DGAT1: variants seen among roughly 807,000 people sequenced by gnomAD.
DGAT1 encodes ACAT related gene product 1.
DGAT1 carries 60 observed loss-of-function variants against 72.6 expected under a neutral mutation model. The ratio of observed to expected loss-of-function variants is 0.83; its 90% CI spans 0.67 to 1.02. The LOEUF (loss-of-function observed/expected upper bound fraction) is 1.02. Ranked by LOEUF, DGAT1 falls within the 50% of genes least tolerant of loss-of-function variation. DGAT1 has a pLI of 0.00. For synonymous variants in DGAT1, 290 were observed against 267.5 expected, an observed-to-expected ratio of 1.08 and a Z score of -0.82; for missense variants, 592 against 670.0, an observed-to-expected ratio of 0.88 and a Z score of 1.29.
intron 16 of DGAT1, 30 bp downstream of exon 16, chr8:144,316,823 G>A (rs369449233): frequency 6.4e-5 from 103 of 1,603,142 alleles, no homozygotes; most frequent in East Asian, 4.5e-5. Context: ...GTAACTGGGC[G>A]AGTGAGGAGG....
chr8:144,315,794 C>T lies in DGAT1; in HGVS notation c.*760G>A. The T allele has an allele frequency of 2.2e-5, 21 of 971,858 alleles. No homozygotes were observed. The highest frequency in any genetic ancestry group is 2.6e-5 in the Non-Finnish European group (21 of 817,594). 60.2% of individuals were successfully genotyped at this position (971,858 alleles called of 1,614,324 possible). A position where few individuals can be genotyped will look rare whatever the true frequency, so the allele number is the denominator to read the frequency against. On this transcript the variant is annotated 3_prime_UTR_variant, in exon 17 of 17. Coordinates refer to ENST00000528718, the MANE Select transcript of DGAT1 (RefSeq NM_012079.6). ...CCAGCCCACCTGGCTGCCCAGGTTC[C>T]AAGTGAAGGAAAGAGGCTGCCAAAC...
chr8:144,321,573 C>A (rs112769302), intron 1 of DGAT1, among the ~76,000 whole-genome samples, 165 bp from the exon 2 acceptor site: 4 of 152,332 alleles, frequency 2.6e-5, no homozygotes, highest in African/African-American at 9.6e-5. Flanking sequence ...GGCCTCAAGA[C>A]CTACAGTGGG....
At chr8:144,324,041 C>A (rs911401385) in intron 1 of DGAT1, among the ~76,000 whole-genome samples, 4 of 152,228 alleles carry the variant, frequency 2.6e-5, no homozygotes, top group Non-Finnish European at 5.9e-5. Context: ...AAGCCAGAAA[C>A]CGGATGGCCC....
Position 144,316,328 on chromosome 8 carries a change from G to A in DGAT1, c.*226C>T. 16 of 601,880 alleles carry A rather than the reference G, an allele frequency of 2.7e-5. 2 individuals carry two copies. In the South Asian group the frequency reaches 3.6e-4, roughly 14 times the overall value. The allele number at this position is 601,880 out of a possible 1,614,324, so 37.3% of individuals were successfully genotyped here. A position where few individuals can be genotyped will look rare whatever the true frequency, so the allele number is the denominator to read the frequency against. On this transcript the variant is annotated 3_prime_UTR_variant, in exon 17 of 17. Coordinates refer to ENST00000528718, the MANE Select transcript of DGAT1 (RefSeq NM_012079.6). ...ACTTTATTGACACCCTCGGACCCGG[G>A]GCAGGGTCAGCAAGACTCCCAGCTG...
At position 144,326,818 on chromosome 8, in the gene DGAT1, A is replaced by G. The variant is rs1817608473; in HGVS notation, c.-182T>C. On this transcript the variant is annotated 5_prime_UTR_variant, in exon 1 of 17. Coordinates refer to ENST00000528718, the MANE Select transcript of DGAT1 (RefSeq NM_012079.6). ...GCCCGCGTCGGGCCCGTCGGCCTCAAGGACAACGGCTGCGTTGCTCCGGAG... is the reference window on the plus strand; with the variant it reads ...GCCCGCGTCGGGCCCGTCGGCCTCAGGGACAACGGCTGCGTTGCTCCGGAG... 8.9e-6 allele frequency: 3 copies of G among 335,290 alleles called. No individual in the cohort carries two copies. In the South Asian group the frequency reaches 3.9e-4, roughly 43 times the overall value. 20.8% of individuals were successfully genotyped at this position (335,290 alleles called of 1,614,324 possible). A position where few individuals can be genotyped will look rare whatever the true frequency, so the allele number is the denominator to read the frequency against.
intron 6 of DGAT1, 33 bp from the exon 7 acceptor site, chr8:144,318,395 G>GC (rs782464686): frequency 6.2e-7 from 1 of 1,607,354 alleles, no homozygotes; most frequent in Non-Finnish European, 8.5e-7. Flanking sequence ...CCTCCACAGC[G>GC]CCACAGCCGG....
In DGAT1 at chr8:144,316,024, A is replaced by G. The variant is rs1817200665; in HGVS notation, c.*530T>C. Reference sequence around the variant, plus strand: ...GGTGCAAGTTGACCATCCTGCACTGAGGGCCAGAGTGCCGATTCCCGCACA... The same window carrying G: ...GGTGCAAGTTGACCATCCTGCACTGGGGGCCAGAGTGCCGATTCCCGCACA... On this transcript the variant is annotated 3_prime_UTR_variant, in exon 17 of 17. Coordinates refer to ENST00000528718, the MANE Select transcript of DGAT1 (RefSeq NM_012079.6). The G allele has an allele frequency of 5.0e-6, 4 of 793,032 alleles. No homozygotes were observed. The highest frequency in any genetic ancestry group is 6.1e-6 in the Non-Finnish European group (4 of 652,896). The allele number at this position is 793,032 out of a possible 1,614,324, so 49.1% of individuals were successfully genotyped here.
chr8:144,321,417 G>C lies in DGAT1; in HGVS notation c.201-9C>G. On this transcript the variant is annotated splice_polypyrimidine_tract_variant and intron_variant, in intron 1 of 16. Coordinates refer to ENST00000528718, the MANE Select transcript of DGAT1 (RefSeq NM_012079.6). ...CCTGCAGGCGATGGCACCTGACAGAGCACAACACAAGCACCCCCTGAGTGG... is the reference window on the plus strand; with the variant it reads ...CCTGCAGGCGATGGCACCTGACAGACCACAACACAAGCACCCCCTGAGTGG... 1 of 1,613,544 alleles carries C rather than the reference G, an allele frequency of 6.2e-7. No homozygotes were observed. The highest frequency in any genetic ancestry group is 1.1e-5 in the South Asian group (1 of 91,070).
At position 144,315,735 on chromosome 8, in the gene DGAT1, G is replaced by A; in HGVS notation, c.*819C>T. The A allele has an allele frequency of 2.2e-6, 2 of 909,996 alleles. No homozygotes were observed. The highest frequency in any genetic ancestry group is 2.6e-6 in the Non-Finnish European group (2 of 761,140). The allele number at this position is 909,996 out of a possible 1,614,324, so 56.4% of individuals were successfully genotyped here. A position where few individuals can be genotyped will look rare whatever the true frequency, so the allele number is the denominator to read the frequency against. On this transcript the variant is annotated 3_prime_UTR_variant, in exon 17 of 17. Coordinates refer to ENST00000528718, the MANE Select transcript of DGAT1 (RefSeq NM_012079.6). ...GGCAAGGCAGGCCTGGGGATCAGGG[G>A]TGCCCCAACCTCGTGGAGGGCAGCT...
chr8:144,315,868 G>C lies in DGAT1; in HGVS notation c.*686C>G. On this transcript the variant is annotated 3_prime_UTR_variant, in exon 17 of 17. Coordinates refer to ENST00000528718, the MANE Select transcript of DGAT1 (RefSeq NM_012079.6). ...GCCATGGACATAGCCATTGTGTACC[G>C]TAGCCCCTCGGCTCACCAGACCCAC... is the stretch of plus-strand genomic sequence containing the variant. The C allele has an allele frequency of 1.0e-6, 1 of 985,600 alleles. No homozygotes were observed. The allele number at this position is 985,600 out of a possible 1,614,324, so 61.1% of individuals were successfully genotyped here. A position where few individuals can be genotyped will look rare whatever the true frequency, so the allele number is the denominator to read the frequency against.
Position 144,316,130 on chromosome 8 carries a change from C to CGG in DGAT1, c.*423_*424insCC. On this transcript the variant is annotated 3_prime_UTR_variant, in exon 17 of 17. Transcript: ENST00000528718. ...GAGTGTGGGGAATGGGGGCGTCTGC[C>CGG]TGGCCTTGCACTCCCCCTACCGGCC... 1 of 206,372 alleles carries CGG rather than the reference C, an allele frequency of 4.8e-6. No homozygotes were observed. The highest frequency in any genetic ancestry group is 9.3e-6 in the Non-Finnish European group (1 of 107,384). 12.8% of individuals were successfully genotyped at this position (206,372 alleles called of 1,614,324 possible). A position where few individuals can be genotyped will look rare whatever the true frequency, so the allele number is the denominator to read the frequency against.
chr8:144,323,413 G>A (rs1817511881), intron 1 of DGAT1, among the ~76,000 whole-genome samples: 1 of 151,566 alleles, frequency 6.6e-6, no homozygotes, highest in Admixed American at 6.6e-5. Flanking sequence ...CACCCCCACT[G>A]CGCTACCCCT....
rs1817379185 is a variant in DGAT1, at chr8:144,319,360, C to G, written c.289-292G>C. ...AACCAACCCTGCCAGACGCCTGGGT[C>G]TTCAGGAGCAGAAAGACCAGCTGCT... is the stretch of plus-strand genomic sequence containing the variant. On this transcript the variant is annotated intron_variant, in intron 2 of 16. Transcript: ENST00000528718. Among the ~76,000 whole-genome samples, 4 of 152,186 alleles carry G rather than the reference C, an allele frequency of 2.6e-5. 1 individual carries two copies. In the South Asian group the frequency reaches 8.3e-4, roughly 32 times the overall value.
intron 2 of DGAT1, among the ~76,000 whole-genome samples, chr8:144,321,089 A>G (rs1412068570): frequency 2.6e-5 from 4 of 152,208 alleles, no homozygotes; most frequent in Non-Finnish European, 5.9e-5. Context: ...AGCAGCAAGT[A>G]TGTGGTGCAT....
At chr8:144,320,355 C>T (rs1245877831) in intron 2 of DGAT1, among the ~76,000 whole-genome samples, 1 of 152,200 alleles carries the variant, frequency 6.6e-6, no homozygotes, top group Non-Finnish European at 1.5e-5. Flanking sequence ...TGGCGCTGGG[C>T]CCACTGTCCT....
chr8:144,316,761 G>A (rs1554847096), intron 16 of DGAT1, 52 bp from the exon 17 acceptor site: 4 of 1,600,998 alleles, frequency 2.5e-6, no homozygotes, highest in Non-Finnish European at 3.4e-6. Flanking sequence ...AGGGCTGGGG[G>A]CTTCAGGGTC....
intron 2 of DGAT1, among the ~76,000 whole-genome samples, chr8:144,319,582 G>A (rs1272430866): frequency 6.6e-6 from 1 of 152,242 alleles, no homozygotes; most frequent in Non-Finnish European, 1.5e-5. Flanking sequence ...TGCAGGAGCA[G>A]TGTCCAGCTG....
In DGAT1 at chr8:144,326,694, G is replaced by A. The variant is rs1224194849; in HGVS notation, c.-58C>T. 4.8e-5 allele frequency: 54 copies of A among 1,131,396 alleles called. No individual in the cohort carries two copies. The highest frequency in any genetic ancestry group is 5.2e-5 in the Non-Finnish European group (48 of 922,846). 70.1% of individuals were successfully genotyped at this position (1,131,396 alleles called of 1,614,324 possible). ...TGGGCCCGCCGGGTTCGTAGCGCCC[G>A]AGGCGCGCGGCCCCACCTCCGGGCC... On this transcript the variant is annotated 5_prime_UTR_variant, in exon 1 of 17. Coordinates refer to ENST00000528718, the MANE Select transcript of DGAT1 (RefSeq NM_012079.6).
Position 144,326,837 on chromosome 8 carries a change from T to A in DGAT1, c.-201A>T. On this transcript the variant is annotated 5_prime_UTR_variant, in exon 1 of 17. Coordinates refer to ENST00000528718, the MANE Select transcript of DGAT1 (RefSeq NM_012079.6). ...GCCTCAAGGACAACGGCTGCGTTGC[T>A]CCGGAGCCGCTAACTAATGGACGGC... 3.6e-6 allele frequency: 1 copy of A among 276,726 alleles called. No homozygotes were observed. The highest frequency in any genetic ancestry group is 6.1e-6 in the Non-Finnish European group (1 of 162,946). The allele number at this position is 276,726 out of a possible 1,614,324, so 17.1% of individuals were successfully genotyped here. A position where few individuals can be genotyped will look rare whatever the true frequency, so the allele number is the denominator to read the frequency against.
Sources: gnomAD v4.1 joint callset for allele counts (sites outside exome capture counted in the v4.1 genomes callset) on GRCh38, gnomAD v4.1.1 for gene constraint, MANE v1.5 for transcripts, NCBI Gene and HGNC (gene_info 2026-07-23, HGNC 2026-07-21) for gene names.